BPNT2: variants seen among roughly 807,000 people sequenced by gnomAD.
BPNT2 encodes the protein 3'(2'), 5'-bisphosphate nucleotidase 2, also known as Golgi-resident adenosine 3',5'-bisphosphate 3'-phosphatase.
In BPNT2, 11 loss-of-function variants were observed where a neutral mutation model predicts 29.3. The observed-to-expected ratio is 0.38, with a 90% CI of 0.24 to 0.62. The LOEUF is 0.62. Ranked by LOEUF, BPNT2 falls within the 20% of genes least tolerant of loss-of-function variation. The pLI is 0.62. For missense variants in BPNT2, 459 were observed against 473.4 expected (o/e 0.97, Z 0.28); for synonymous variants, 195 against 187.7 (o/e 1.04, Z -0.32).
rs1245944390 is a variant in BPNT2 at position 56,962,402 on chromosome 8, G to C, written c.*1391C>G. The C allele has an allele frequency of 2.0e-5, 3 of 152,130 alleles. No individual in the cohort carries two copies. Among genetic ancestry groups the C allele is most frequent in the Non-Finnish European group, 2.9e-5 (2 of 68,036 alleles). The allele number at this position is 152,130 out of a possible 1,614,324, so 9.4% of individuals were successfully genotyped here. ...AGCTGCTTTATGGTTAAAAAATTTA[G>C]CAAAGAAAGAAACCGTGAGAAATCC... is the stretch of plus-strand genomic sequence containing the variant. On this transcript the variant is annotated 3_prime_UTR_variant, in exon 5 of 5. Coordinates refer to ENST00000262644, the MANE Select transcript of BPNT2 (RefSeq NM_017813.5).
intron 1 of BPNT2, among the ~76,000 whole-genome samples, chr8:56,985,069 T>C (rs538708212): frequency 9.2e-5 from 14 of 151,984 alleles, no homozygotes; most frequent in African/African-American, 2.9e-4. Context: ...CTGACTACCA[T>C]TGATAAAGAA....
rs747249859 is a variant in BPNT2 at position 56,963,820 on chromosome 8, T to C, written c.1053A>G (p.Pro351=). 8 of 1,614,084 alleles carry C rather than the reference T, an allele frequency of 5.0e-6. No individual in the cohort carries two copies. The highest frequency in any genetic ancestry group is 6.8e-6 in the Non-Finnish European group (8 of 1,180,046). ...ATTTATGTCCTGTCTTTTCTAGATC[T>C]GGGAGTTTTCTGACCAGGGCCTGGT... ...MNHQALVRKL[P]DLEKTGHK The change falls in exon 5 of 5, where the codon CCA becomes CCG. Residue 351 remains proline, a synonymous_variant. Transcript: ENST00000262644.
chr8:56,986,981 A>ATAT (rs1456935370), intron 1 of BPNT2, among the ~76,000 whole-genome samples: 1 of 152,222 alleles, frequency 6.6e-6, no homozygotes, highest in Admixed American at 6.5e-5. Flanking sequence ...ATACACACAC[A>ATAT]TATACATATA....
At chr8:56,984,572 C>T (rs558510792) in intron 1 of BPNT2, among the ~76,000 whole-genome samples, 2 of 152,294 alleles carry the variant, frequency 1.3e-5, no homozygotes, top group South Asian at 4.1e-4. Flanking sequence ...CTCAATTGTT[C>T]TCACCTCCTA....
At chr8:56,971,439 A>G (rs1411288459) in intron 3 of BPNT2, among the ~76,000 whole-genome samples, 1 of 152,144 alleles carries the variant, frequency 6.6e-6, no homozygotes, top group Non-Finnish European at 1.5e-5. Flanking sequence ...CTCCCCTTAC[A>G]TCCAGATATT....
intron 3 of BPNT2, among the ~76,000 whole-genome samples, chr8:56,967,584 T>G (rs1053179153): frequency 6.6e-6 from 1 of 152,078 alleles, no homozygotes; most frequent in Non-Finnish European, 1.5e-5. Context: ...AGGAAGAGGT[T>G]CCATCTAAAA....
intron 3 of BPNT2, among the ~76,000 whole-genome samples, chr8:56,968,809 C>CA (rs1460322407): frequency 6.6e-6 from 1 of 152,200 alleles, no homozygotes; most frequent in Non-Finnish European, 1.5e-5. Flanking sequence ...GTTGAATGAA[C>CA]AGTATCCTAC....
chr8:56,967,411 G>C (rs767714390), intron 3 of BPNT2, among the ~76,000 whole-genome samples: 1 of 152,094 alleles, frequency 6.6e-6, no homozygotes, highest in Admixed American at 6.5e-5. Flanking sequence ...CAACACAAAC[G>C]TATGAGAAAG....
At chr8:56,991,840 G>A (rs1409922563) in intron 1 of BPNT2, among the ~76,000 whole-genome samples, 1 of 151,572 alleles carries the variant, frequency 6.6e-6, no homozygotes, top group South Asian at 2.1e-4. Context: ...TTGGAAAGGG[G>A]GTAAAATATT....
At chr8:56,971,792 C>T (rs938759750) in intron 3 of BPNT2, among the ~76,000 whole-genome samples, 1 of 147,588 alleles carries the variant, frequency 6.8e-6, no homozygotes, top group East Asian at 2.0e-4. Context: ...ACCCCCCCCC[C>T]CACAATGCTA....
rs895630311 is a variant in BPNT2, at chr8:56,961,339, T to C, written c.*2454A>G. The C allele has an allele frequency of 6.6e-6, 1 of 152,180 alleles. No individual in the cohort carries two copies. Among genetic ancestry groups the C allele is most frequent in the African/African-American group, 2.4e-5 (1 of 41,442 alleles). The allele number at this position is 152,180 out of a possible 1,614,324, so 9.4% of individuals were successfully genotyped here. A position where few individuals can be genotyped will look rare whatever the true frequency, so the allele number is the denominator to read the frequency against. On this transcript the variant is annotated 3_prime_UTR_variant, in exon 5 of 5. Transcript: ENST00000262644. ...TAGGATGCTATGGCACAATGTCTTG[T>C]GTAAATAAATATAAATACTGTTCCT...
rs1805865676 is a variant in BPNT2, at chr8:56,963,101, G to C, written c.*692C>G. On this transcript the variant is annotated 3_prime_UTR_variant, in exon 5 of 5. Transcript: ENST00000262644. ...AGATGGCAGAAATGCTGAACTCATG[G>C]GTACAAACACACTTTTCTTTATAAA... is the stretch of plus-strand genomic sequence containing the variant. 1 of 152,102 alleles carries C rather than the reference G, an allele frequency of 6.6e-6. No individual in the cohort carries two copies. The highest frequency in any genetic ancestry group is 2.4e-5 in the African/African-American group (1 of 41,378). The allele number at this position is 152,102 out of a possible 1,614,324, so 9.4% of individuals were successfully genotyped here.
At chr8:56,971,077 G>A (rs1806023055) in intron 3 of BPNT2, among the ~76,000 whole-genome samples, 1 of 151,918 alleles carries the variant, frequency 6.6e-6, no homozygotes, top group African/African-American at 2.4e-5. Flanking sequence ...TGCTGACTTA[G>A]TATTTTTAAA....
At chr8:56,978,243 T>C in intron 2 of BPNT2, 98 bp from the exon 3 acceptor site, 1 of 816,286 alleles carries the variant, frequency 1.2e-6, no homozygotes, top group East Asian at 2.5e-5. Context: ...AAAATTTATA[T>C]ACATGAAATA....
intron 2 of BPNT2, among the ~76,000 whole-genome samples, chr8:56,979,008 T>C (rs371506059): frequency 6.6e-6 from 1 of 152,150 alleles, no homozygotes; most frequent in African/African-American, 2.4e-5. Context: ...GTTTACCCTA[T>C]GTAACAAACC....
At chr8:56,991,378 G>A (rs928116109) in intron 1 of BPNT2, among the ~76,000 whole-genome samples, 11 of 152,200 alleles carry the variant, frequency 7.2e-5, no homozygotes, top group African/African-American at 2.7e-4. Flanking sequence ...ATAAAATGCA[G>A]CTCACTGCCC....
intron 3 of BPNT2, 101 bp downstream of exon 3, chr8:56,977,949 A>G: frequency 2.5e-6 from 2 of 811,566 alleles, no homozygotes; most frequent in East Asian, 4.9e-5. Context: ...GCCCTAGGAA[A>G]CTAATATAGG....
chr8:56,988,541 T>C (rs555658433), intron 1 of BPNT2, among the ~76,000 whole-genome samples: 2 of 152,380 alleles, frequency 1.3e-5, no homozygotes, highest in Non-Finnish European at 2.9e-5. Flanking sequence ...GTTGCTACTA[T>C]TCTTGTTAAA....
intron 3 of BPNT2, among the ~76,000 whole-genome samples, chr8:56,973,107 G>A (rs1412455805): frequency 6.6e-6 from 1 of 152,144 alleles, no homozygotes; most frequent in African/African-American, 2.4e-5. Context: ...CCTTTTTCTG[G>A]ATTGAGTCCA....
Sources: allele counts gnomAD v4.1 joint callset (sites outside exome capture counted in the v4.1 genomes callset), GRCh38; gene constraint gnomAD v4.1.1; transcripts MANE v1.5; gene names NCBI Gene and HGNC (gene_info 2026-07-23, HGNC 2026-07-21).